The following CPNE4 variants were observed in gnomAD, a reference collection of about 807,000 sequenced individuals.
CPNE4 encodes the protein copine-4.
In CPNE4, 25 loss-of-function variants were observed where a neutral mutation model predicts 67.9. The observed-to-expected ratio is 0.37, with a 90% CI of 0.27 to 0.51. The LOEUF (loss-of-function observed/expected upper bound fraction) is 0.51, where lower values mean the gene tolerates loss of function less well. CPNE4 is among the 20% of genes least tolerant of loss of function. The pLI, the probability that CPNE4 is intolerant of heterozygous loss-of-function variation, is 0.93. For synonymous variants in CPNE4, 242 were observed against 244.9 expected (o/e 0.99, Z 0.11); for missense variants, 464 against 690.8 (o/e 0.67, Z 3.68).
intron 2 of CPNE4, among the ~76,000 whole-genome samples, chr3:131,764,900 T>C (rs1230649891): frequency 6.6e-6 from 1 of 152,054 alleles, no homozygotes; most frequent in Non-Finnish European, 1.5e-5. Flanking sequence ...AACAAAGACC[T>C]CCTGTCAATG....
intron 2 of CPNE4, among the ~76,000 whole-genome samples, chr3:131,846,290 G>A (rs534793841): frequency 6.6e-5 from 10 of 152,230 alleles, no homozygotes; most frequent in South Asian, 2.1e-4. Flanking sequence ...AGAGGTGTTC[G>A]TTTAGTACAG....
At chr3:131,735,868 C>T (rs1342280346) in intron 2 of CPNE4, among the ~76,000 whole-genome samples, 1 of 152,176 alleles carries the variant, frequency 6.6e-6, no homozygotes, top group Non-Finnish European at 1.5e-5. Flanking sequence ...TAGACCCTGC[C>T]TCTATTTTTC....
At position 131,839,419 on chromosome 3, in the gene CPNE4, C is replaced by G. The variant is rs756907625; in HGVS notation, c.180+65845G>C. The stretch of plus-strand genomic sequence containing the variant: ...TAAAATCAAGGTACAAAATATATAT[C>G]ATACATTATATTAAAATATATTTAT... On this transcript the variant is annotated intron_variant, in intron 2 of 15. Coordinates refer to ENST00000429747, the MANE Select transcript of CPNE4 (RefSeq NM_130808.3). 1.1e-3 allele frequency among the ~76,000 whole-genome samples: 163 copies of G among 150,778 alleles called. 1 individual carries two copies. The highest frequency in any genetic ancestry group is 1.9e-3 in the Non-Finnish European group (126 of 67,676).
chr3:131,535,354 G>A (rs1466579308), intron 15 of CPNE4, 25 bp from the exon 16 acceptor site: 1 of 1,600,580 alleles, frequency 6.2e-7, no homozygotes, highest in African/African-American at 1.3e-5. Flanking sequence ...AAATCATCAT[G>A]ACGTTGGCTT....
At chr3:131,951,892 T>C (rs1188754978) in intron 1 of CPNE4, among the ~76,000 whole-genome samples, 2 of 152,068 alleles carry the variant, frequency 1.3e-5, no homozygotes, top group Non-Finnish European at 2.9e-5. Flanking sequence ...TGGAGTGCAG[T>C]GGTGTGATCT....
At chr3:131,767,753 CCAAA>C (rs1175092406) in intron 2 of CPNE4, among the ~76,000 whole-genome samples, 23 of 149,774 alleles carry the variant, frequency 1.5e-4, no homozygotes, top group Non-Finnish European at 2.7e-4. Flanking sequence ...CCCTGCTACC[CCAAA>C]CATTCACACT....
rs1370127867 is a variant in CPNE4 at position 132,031,422 on chromosome 3, G to T, written c.-2+3145C>A. On this transcript the variant is annotated intron_variant, in intron 1 of 15. Transcript: ENST00000429747. ...CTCTCTTCAAAGTGCACGGAATACAGATCTTCTTACACACCACTGATTAAA... is the reference window on the plus strand; with the variant it reads ...CTCTCTTCAAAGTGCACGGAATACATATCTTCTTACACACCACTGATTAAA... Among the ~76,000 whole-genome samples the T allele has an allele frequency of 2.6e-5, 4 of 152,158 alleles. No individual in the cohort carries two copies. The South Asian group carries it at 8.3e-4, about 32-fold the overall frequency.
intron 2 of CPNE4, among the ~76,000 whole-genome samples, chr3:131,746,895 A>G (rs898762274): frequency 3.9e-5 from 6 of 152,174 alleles, no homozygotes; most frequent in Admixed American, 3.3e-4. Context: ...CCAGCAGTGT[A>G]TAAGGGTTTC....
At chr3:131,872,086 G>C (rs2087234850) in intron 2 of CPNE4, among the ~76,000 whole-genome samples, 1 of 152,144 alleles carries the variant, frequency 6.6e-6, no homozygotes, top group African/African-American at 2.4e-5. Flanking sequence ...TCAAACAACA[G>C]TGTGACAGAA....
intron 1 of CPNE4, among the ~76,000 whole-genome samples, chr3:132,031,163 G>A (rs1382878517): frequency 6.6e-6 from 1 of 152,090 alleles, no homozygotes; most frequent in East Asian, 1.9e-4. Flanking sequence ...ATTACATGTT[G>A]GAAGATCAGT....
Position 131,804,833 on chromosome 3 carries a change from C to T in CPNE4, c.181-81208G>A, listed in dbSNP as rs55810398. On this transcript the variant is annotated intron_variant, in intron 2 of 15. Transcript: ENST00000429747. Reference sequence around the variant, plus strand: ...ATGTGGCCCAGTCTTCCCATTTGCCCTTGTCATCAGCGAGGCCTTATCTGC... The same window carrying T: ...ATGTGGCCCAGTCTTCCCATTTGCCTTTGTCATCAGCGAGGCCTTATCTGC... Among the ~76,000 whole-genome samples, 539 of 152,308 alleles carry T rather than the reference C, an allele frequency of 3.5e-3. 4 individuals carry two copies. Among genetic ancestry groups the T allele is most frequent in the African/African-American group, 0.013 (522 of 41,552 alleles).
At position 131,796,310 on chromosome 3, in the gene CPNE4, C is replaced by T. The variant is rs991382206; in HGVS notation, c.181-72685G>A. Among the ~76,000 whole-genome samples the T allele has an allele frequency of 2.3e-4, 35 of 152,270 alleles. 1 individual carries two copies. Among genetic ancestry groups the T allele is most frequent in the African/African-American group, 8.2e-4 (34 of 41,546 alleles). ...AACGACGTAGCAGGGTTAGTTTGGT[C>T]ACTACCGACCTCCCTTTTTATCAAA... is the stretch of plus-strand genomic sequence containing the variant. On this transcript the variant is annotated intron_variant, in intron 2 of 15. Coordinates refer to ENST00000429747, the MANE Select transcript of CPNE4 (RefSeq NM_130808.3).
At chr3:131,878,257 G>A (rs1053754575) in intron 2 of CPNE4, among the ~76,000 whole-genome samples, 1 of 152,092 alleles carries the variant, frequency 6.6e-6, no homozygotes, top group Non-Finnish European at 1.5e-5. Flanking sequence ...ATCAATTGTG[G>A]TATTAGCCAT....
chr3:131,845,740 C>T (rs1024880775), intron 2 of CPNE4, among the ~76,000 whole-genome samples: 6 of 152,058 alleles, frequency 3.9e-5, no homozygotes, highest in African/African-American at 1.4e-4. Context: ...AAAAGCAACT[C>T]GATGAGGGCA....
chr3:131,541,740 G>A (rs1935504156), intron 15 of CPNE4, among the ~76,000 whole-genome samples: 2 of 151,040 alleles, frequency 1.3e-5, no homozygotes, highest in South Asian at 2.1e-4. Flanking sequence ...GTGTGATCTC[G>A]GCTCACTGCA....
chr3:131,834,277 C>T (rs1420929881), intron 2 of CPNE4, among the ~76,000 whole-genome samples: 1 of 152,080 alleles, frequency 6.6e-6, no homozygotes, highest in Non-Finnish European at 1.5e-5. Flanking sequence ...TTAATTATCT[C>T]CTTTTAATTT....
intron 1 of CPNE4, among the ~76,000 whole-genome samples, chr3:132,006,982 T>C (rs537749117): frequency 2.6e-5 from 4 of 152,312 alleles, no homozygotes; most frequent in Non-Finnish European, 5.9e-5. Flanking sequence ...GCCTCTGCTA[T>C]AATAAAAGCT....
chr3:131,992,550 C>T (rs1048092058), intron 1 of CPNE4, among the ~76,000 whole-genome samples: 1 of 136,096 alleles, frequency 7.3e-6, no homozygotes, highest in African/African-American at 2.5e-5. Flanking sequence ...CTTCCCTTAT[C>T]TCAGATGAGA....
chr3:131,668,546 C>T (rs1023010195), intron 7 of CPNE4, among the ~76,000 whole-genome samples: 2 of 152,148 alleles, frequency 1.3e-5, no homozygotes, highest in Non-Finnish European at 2.9e-5. Context: ...ATTGTCTTCT[C>T]TGTGGTTTGC....
Sources: gnomAD v4.1 joint callset for allele counts (sites outside exome capture counted in the v4.1 genomes callset) on GRCh38, gnomAD v4.1.1 for gene constraint, MANE v1.5 for transcripts, NCBI Gene and HGNC (gene_info 2026-07-23, HGNC 2026-07-21) for gene names.